Variants in RUNX1T1 observed in about 807,000 individuals in gnomAD.
RUNX1T1 encodes RUNX1 partner transcriptional co-repressor 1.
In RUNX1T1, 4 loss-of-function variants were observed where a neutral mutation model predicts 62.8. That is an observed-to-expected ratio of 0.06 (90% CI 0.03 to 0.15). The LOEUF is 0.15. RUNX1T1 is among the 10% of genes least tolerant of loss of function. The probability of loss-of-function intolerance (pLI) is 1.00; values close to 1 mark genes in which losing one functional copy is unlikely to be tolerated. For missense variants in RUNX1T1, 508 were observed against 754.3 expected (o/e 0.67, Z 3.82); for synonymous variants, 291 against 286.0 (o/e 1.02, Z -0.18).
chr8:91,975,485 GTT>G (rs753923268), intron 9 of RUNX1T1, among the ~76,000 whole-genome samples: 19 of 135,058 alleles, frequency 1.4e-4, no homozygotes, highest in Admixed American at 1.5e-4. Flanking sequence ...TGTTGGTTTC[GTT>G]TTTTTTTTTT....
chr8:91,975,772 T>G (rs911024657), intron 9 of RUNX1T1, 133 bp downstream of exon 10: 6 of 635,108 alleles, frequency 9.4e-6, no homozygotes, highest in East Asian at 5.2e-5. Context: ...TTAGTGGTTT[T>G]TTTTGTTTTG....
chr8:91,994,357 C>T (rs1406250628), intron 5 of RUNX1T1: 1 of 190,800 alleles, frequency 5.2e-6, no homozygotes, highest in African/African-American at 2.3e-5. Flanking sequence ...TGATTCTAAT[C>T]TGTATTTGCA....
At chr8:91,973,866 A>G (rs547321443) in intron 9 of RUNX1T1, among the ~76,000 whole-genome samples, 2 of 152,224 alleles carry the variant, frequency 1.3e-5, no homozygotes, top group African/African-American at 2.4e-5. Flanking sequence ...TTTAGCATAT[A>G]TCCATAGAAA....
chr8:92,091,482 TTCA>T, intron 1 of RUNX1T1, among the ~76,000 whole-genome samples: 1 of 152,286 alleles, frequency 6.6e-6, no homozygotes, highest in South Asian at 2.1e-4. Context: ...TGGACATGAT[TTCA>T]TCAAGTATCA....
chr8:92,043,510 A>C (rs1828837720), intron 1 of RUNX1T1, among the ~76,000 whole-genome samples: 1 of 151,968 alleles, frequency 6.6e-6, no homozygotes, highest in Non-Finnish European at 1.5e-5. Context: ...ATAAATTTAC[A>C]TAAAATTTTA....
chr8:92,024,001 G>GA (rs1330665623), intron 1 of RUNX1T1, among the ~76,000 whole-genome samples: 1 of 152,066 alleles, frequency 6.6e-6, no homozygotes, highest in East Asian at 1.9e-4. Context: ...CTAACAGGCA[G>GA]AAAAAAGCAA....
chr8:92,063,183 T>C (rs1706321986), upstream of RUNX1T1, among the ~76,000 whole-genome samples: 1 of 152,196 alleles, frequency 6.6e-6, no homozygotes, highest in Admixed American at 6.5e-5. Flanking sequence ...TATAAGACTT[T>C]GTATATTGTG....
intron 4 of RUNX1T1, among the ~76,000 whole-genome samples, chr8:92,009,438 A>G (rs940633172): frequency 2.6e-5 from 4 of 152,190 alleles, no homozygotes; most frequent in African/African-American, 9.7e-5. Flanking sequence ...TAGAAAAAAA[A>G]GTTATATCTT....
intron 5 of RUNX1T1, chr8:92,003,378 T>C (rs779077868): frequency 1.3e-5 from 6 of 456,132 alleles, no homozygotes; most frequent in South Asian, 7.7e-5. Context: ...GGTGGGAAAA[T>C]AGCTGGAAAT....
intron 1 of RUNX1T1, among the ~76,000 whole-genome samples, chr8:92,049,683 CT>C (rs747445454): frequency 7.2e-5 from 11 of 152,178 alleles, no homozygotes; most frequent in Non-Finnish European, 1.6e-4. Flanking sequence ...TACCAAATAA[CT>C]TATCCAACCT....
At chr8:92,058,331 T>C (rs1225921683) in intron 1 of RUNX1T1, among the ~76,000 whole-genome samples, 3 of 152,176 alleles carry the variant, frequency 2.0e-5, no homozygotes, top group African/African-American at 7.2e-5. Context: ...TAACTATATA[T>C]AGGTTCCCTA....
intron 8 of RUNX1T1, among the ~76,000 whole-genome samples, chr8:91,979,080 A>G (rs1814610135): frequency 6.6e-6 from 1 of 152,230 alleles, no homozygotes; most frequent in Non-Finnish European, 1.5e-5. Context: ...TGTACTTGAT[A>G]AACATCAGGT....
chr8:92,047,885 T>C (rs972616883), intron 1 of RUNX1T1, among the ~76,000 whole-genome samples: 3 of 152,138 alleles, frequency 2.0e-5, no homozygotes, highest in Admixed American at 2.0e-4. Flanking sequence ...TCCTCCAACA[T>C]CTGCTACAGA....
At chr8:92,001,375 A>G (rs758231259) in intron 5 of RUNX1T1, among the ~76,000 whole-genome samples, 1 of 152,200 alleles carries the variant, frequency 6.6e-6, no homozygotes, top group African/African-American at 2.4e-5. Flanking sequence ...GAAAAAAAAC[A>G]TAAAAAGAAT....
chr8:91,983,368 G>T (rs548984128), intron 8 of RUNX1T1, among the ~76,000 whole-genome samples: 2 of 152,258 alleles, frequency 1.3e-5, no homozygotes, highest in African/African-American at 4.8e-5. Flanking sequence ...CATCAATCAT[G>T]AAAGTTACAT....
intron 4 of RUNX1T1, among the ~76,000 whole-genome samples, chr8:92,007,859 T>C (rs138617710): frequency 2.8e-4 from 43 of 151,442 alleles, no homozygotes; most frequent in Admixed American, 4.6e-4. Flanking sequence ...GTCCCTGCTA[T>C]TGGGAGGCTA....
At chr8:91,987,282 T>A (rs1468030239) in intron 6 of RUNX1T1, among the ~76,000 whole-genome samples, 1 of 152,172 alleles carries the variant, frequency 6.6e-6, no homozygotes, top group East Asian at 1.9e-4. Context: ...AAAAATATAT[T>A]CTAACTCTTA....
At chr8:91,988,926 G>T (rs1439569123) in intron 6 of RUNX1T1, among the ~76,000 whole-genome samples, 1 of 151,990 alleles carries the variant, frequency 6.6e-6, no homozygotes, top group Non-Finnish European at 1.5e-5. Flanking sequence ...AATAAATCAA[G>T]ATTTTATGTT....
chr8:92,046,255 G>C (rs1429002461), intron 1 of RUNX1T1, among the ~76,000 whole-genome samples: 4 of 152,000 alleles, frequency 2.6e-5, no homozygotes, highest in African/African-American at 9.7e-5. Flanking sequence ...ACAAGTCTTC[G>C]GTATGTGTGC....
Sources: gnomAD v4.1 joint callset for allele counts (sites outside exome capture counted in the v4.1 genomes callset) on GRCh38, gnomAD v4.1.1 for gene constraint, MANE v1.5 for transcripts, NCBI Gene and HGNC (gene_info 2026-07-23, HGNC 2026-07-21) for gene names.